Variants in RGS22 observed in about 807,000 individuals in gnomAD.
The protein encoded by RGS22 is regulator of G protein signaling 22.
In RGS22, 148 loss-of-function variants were observed where a neutral mutation model predicts 172.9. That is an observed-to-expected ratio of 0.86 (90% CI 0.75 to 0.98). RGS22 has a LOEUF of 0.98. Among genes scored for constraint, RGS22 ranks in the 50% least tolerant of loss-of-function variants. The probability of loss-of-function intolerance (pLI) is 0.00; values close to 1 mark genes in which losing one functional copy is unlikely to be tolerated. For synonymous variants in RGS22, 458 were observed against 480.2 expected, an observed-to-expected ratio of 0.95 and a Z score of 0.60; for missense variants, 1,347 against 1,440.8, an observed-to-expected ratio of 0.93 and a Z score of 1.05.
chr8:100,090,320 A>G lies in RGS22; in HGVS notation c.117+3127T>C, dbSNP rs145386755. On this transcript the variant is annotated intron_variant, in intron 3 of 27. Coordinates refer to ENST00000360863, the MANE Select transcript of RGS22 (RefSeq NM_015668.5). ...TCTCACTCCTAATACCAACAATTAC[A>G]TGGTGAGATTTGAGCATGGGAAGAA... Among the ~76,000 whole-genome samples the G allele has an allele frequency of 4.8e-3, 727 of 152,276 alleles. 7 individuals carry two copies. The highest frequency in any genetic ancestry group is 0.018 in the Admixed American group (270 of 15,284).
chr8:99,978,988 T>C (rs1812264478), intron 22 of RGS22, among the ~76,000 whole-genome samples: 1 of 152,242 alleles, frequency 6.6e-6, no homozygotes, highest in Admixed American at 6.5e-5. Context: ...ACATGAATGC[T>C]ATTAGTAATA....
chr8:100,047,907 C>T (rs1282391742), intron 10 of RGS22, among the ~76,000 whole-genome samples: 1 of 151,822 alleles, frequency 6.6e-6, no homozygotes, highest in Non-Finnish European at 1.5e-5. Context: ...TATTCTATAA[C>T]TGAATAGGTA....
chr8:100,048,678 T>A (rs1296963463), intron 10 of RGS22, among the ~76,000 whole-genome samples: 1 of 152,142 alleles, frequency 6.6e-6, no homozygotes, highest in Non-Finnish European at 1.5e-5. Context: ...GGCTTACATC[T>A]GTTTTAGTAA....
intron 14 of RGS22, among the ~76,000 whole-genome samples, chr8:100,015,698 A>G (rs940252419): frequency 6.6e-6 from 1 of 152,204 alleles, no homozygotes; most frequent in Non-Finnish European, 1.5e-5. Context: ...AATCTCTCCA[A>G]TGAAACAAGG....
intron 6 of RGS22, 28 bp from the exon 7 acceptor site, chr8:100,066,324 A>T (rs773072996): frequency 2.5e-6 from 4 of 1,598,424 alleles, no homozygotes; most frequent in Non-Finnish European, 3.4e-6. Context: ...TATTAGTTTA[A>T]CATATGATTA....
intron 4 of RGS22, among the ~76,000 whole-genome samples, chr8:100,078,603 C>T (rs1207639392): frequency 4.6e-5 from 7 of 151,500 alleles, no homozygotes; most frequent in Non-Finnish European, 1.5e-5. Flanking sequence ...CCTTTGATCT[C>T]CACTATTGTT....
chr8:99,997,588 T>G (rs1814532358), intron 19 of RGS22, among the ~76,000 whole-genome samples: 1 of 152,218 alleles, frequency 6.6e-6, no homozygotes, highest in Non-Finnish European at 1.5e-5. Context: ...ACAAAGTGTT[T>G]GAGAAACTGA....
chr8:99,988,599 G>A (rs1004029864), intron 20 of RGS22, among the ~76,000 whole-genome samples: 1 of 152,160 alleles, frequency 6.6e-6, no homozygotes, highest in Non-Finnish European at 1.5e-5. Context: ...AAACAAATAT[G>A]TGACCATCAA....
chr8:99,997,357 C>A (rs867556905), intron 19 of RGS22, among the ~76,000 whole-genome samples: 8 of 152,168 alleles, frequency 5.3e-5, no homozygotes, highest in Admixed American at 2.0e-4. Flanking sequence ...ATAATATTAG[C>A]AAGCCAAATG....
At chr8:99,977,270 ATTTTTTTTTTTTTTTT>A (rs895569407) in intron 23 of RGS22, among the ~76,000 whole-genome samples, 3 of 120,390 alleles carry the variant, frequency 2.5e-5, no homozygotes, top group Non-Finnish European at 5.1e-5. Context: ...CGCCCGGTTA[ATTTTTTTTTTTTTTTT>A]TTTTTTTTTG....
intron 14 of RGS22, among the ~76,000 whole-genome samples, chr8:100,032,066 C>A (rs1001679536): frequency 3.9e-5 from 6 of 152,146 alleles, no homozygotes; most frequent in Non-Finnish European, 7.4e-5. Context: ...CAAAAACATA[C>A]CAAATTGCAA....
chr8:100,067,270 C>A lies in RGS22; in HGVS notation c.595-974G>T, dbSNP rs531458543. Among the ~76,000 whole-genome samples the A allele has an allele frequency of 2.0e-5, 3 of 152,248 alleles. 1 individual carries two copies. The highest frequency in any genetic ancestry group is 6.8e-3 in the Middle Eastern group (2 of 294). ...GAAGACCAAAGCAAGACAGAGAAATCAGAGGTGGCATCTATGTAGTCACCA... is the reference window on the plus strand; with the variant it reads ...GAAGACCAAAGCAAGACAGAGAAATAAGAGGTGGCATCTATGTAGTCACCA... On this transcript the variant is annotated intron_variant, in intron 6 of 27. Transcript: ENST00000360863.
chr8:100,101,341 T>C (rs1813464324), intron 2 of RGS22, among the ~76,000 whole-genome samples: 1 of 151,112 alleles, frequency 6.6e-6, no homozygotes, highest in Non-Finnish European at 1.5e-5. Flanking sequence ...GGCTGGAGTG[T>C]GGTGGCGTGA....
At chr8:99,992,429 A>C (rs1813857514) in intron 20 of RGS22, among the ~76,000 whole-genome samples, 1 of 152,212 alleles carries the variant, frequency 6.6e-6, no homozygotes, top group Non-Finnish European at 1.5e-5. Context: ...AAGATCTATC[A>C]AGCAAATGTA....
In RGS22 at chr8:100,069,470, A is replaced by T. The variant is rs142754583; in HGVS notation, c.594+1899T>A. On this transcript the variant is annotated intron_variant, in intron 6 of 27. Transcript: ENST00000360863. ...GTTCTCACTACATTATGACTCTCCA[A>T]AAGGACATTTGATTCTAGGTTAAAT... Among the ~76,000 whole-genome samples, 808 of 152,302 alleles carry T rather than the reference A, an allele frequency of 5.3e-3. 6 individuals are homozygous for T. The highest frequency in any genetic ancestry group is 0.018 in the African/African-American group (742 of 41,552).
intron 14 of RGS22, among the ~76,000 whole-genome samples, chr8:100,028,530 A>T (rs963686122): frequency 6.6e-6 from 1 of 151,962 alleles, no homozygotes; most frequent in African/African-American, 2.4e-5. Context: ...AGAAAACAAC[A>T]TATCTCCTGA....
At position 100,071,422 on chromosome 8, in the gene RGS22, T is replaced by C. The variant is rs1297772599; in HGVS notation, c.541A>G (p.Thr181Ala). Reference protein sequence around the residue: ...KKPPSLPPPATEEDNLVIMKK... With the variant: ...KKPPSLPPPAAEEDNLVIMKK... ...ATAATTACAAGATTATCTTCTTCAGTGGCAGGAGGTGGTAGACTGGGTGGT... is the reference window on the plus strand; with the variant it reads ...ATAATTACAAGATTATCTTCTTCAGCGGCAGGAGGTGGTAGACTGGGTGGT... The change falls in exon 6 of 28, where the codon ACT becomes GCT. Residue 181 changes from threonine to alanine, a missense_variant. Transcript: ENST00000360863. 3 of 1,612,758 alleles carry C rather than the reference T, an allele frequency of 1.9e-6. No homozygotes were observed. The highest frequency in any genetic ancestry group is 2.5e-6 in the Non-Finnish European group (3 of 1,179,340).
chr8:100,035,559 C>T (rs1586061819), intron 14 of RGS22, among the ~76,000 whole-genome samples: 1 of 152,172 alleles, frequency 6.6e-6, no homozygotes, highest in African/African-American at 2.4e-5. Flanking sequence ...GGCAATTCCT[C>T]CAAGATCTAG....
At chr8:99,976,730 G>A (rs561712956) in intron 23 of RGS22, among the ~76,000 whole-genome samples, 70 of 152,190 alleles carry the variant, frequency 4.6e-4, no homozygotes, top group African/African-American at 1.6e-3. Context: ...GATATAGGGA[G>A]GGTTATAGAA....
Sources: gnomAD v4.1 joint callset for allele counts (sites outside exome capture counted in the v4.1 genomes callset) on GRCh38, gnomAD v4.1.1 for gene constraint, MANE v1.5 for transcripts, NCBI Gene and HGNC (gene_info 2026-07-23, HGNC 2026-07-21) for gene names.